Variants in CDK6 observed in about 807,000 individuals in gnomAD.
CDK6 encodes cyclin-dependent kinase 6.
In CDK6, 6 loss-of-function variants were observed where a neutral mutation model predicts 37.1. The ratio of observed to expected loss-of-function variants is 0.16; its 90% CI spans 0.09 to 0.32. The LOEUF (loss-of-function observed/expected upper bound fraction) is 0.32, where lower values mean the gene tolerates loss of function less well. Among genes scored for constraint, CDK6 ranks in the 10% least tolerant of loss-of-function variants. CDK6 has a pLI of 1.00. For synonymous variants in CDK6, 160 were observed against 161.3 expected, an observed-to-expected ratio of 0.99 and a Z score of 0.06; for missense variants, 224 against 418.9, an observed-to-expected ratio of 0.53 and a Z score of 4.06.
At chr7:92,721,687 A>T (rs1798367943) in intron 4 of CDK6, among the ~76,000 whole-genome samples, 1 of 152,172 alleles carries the variant, frequency 6.6e-6, no homozygotes, top group Non-Finnish European at 1.5e-5. Context: ...AATTTATCAG[A>T]TGAGGACAAG....
chr7:92,833,452 G>C lies in CDK6; in HGVS notation c.-129C>G, dbSNP rs541595279. 34 of 642,012 alleles carry C rather than the reference G, an allele frequency of 5.3e-5. No homozygotes were observed. Among genetic ancestry groups the C allele is most frequent in the African/African-American group, 5.3e-4 (27 of 51,310 alleles). 39.8% of individuals were successfully genotyped at this position (642,012 alleles called of 1,614,324 possible). A position where few individuals can be genotyped will look rare whatever the true frequency, so the allele number is the denominator to read the frequency against. The stretch of plus-strand genomic sequence containing the variant: ...GTCTAGCTTTACTTGCTCCCCGCCG[G>C]CTCAGGCGCTCGGGCGCTGGGGCTT... On this transcript the variant is annotated 5_prime_UTR_variant, in exon 2 of 8. Coordinates refer to ENST00000424848, the MANE Select transcript of CDK6 (RefSeq NM_001145306.2). This position sits in a 1 kb window ranked among gnomAD's most constrained non-coding sequence, Gnocchi z 6.1.
intron 3 of CDK6, among the ~76,000 whole-genome samples, chr7:92,766,018 G>A (rs1187744171): frequency 5.3e-5 from 8 of 152,090 alleles, no homozygotes; most frequent in African/African-American, 1.2e-4. Flanking sequence ...CTGGAGAACC[G>A]TGGGCCCAAG....
chr7:92,789,452 G>C (rs1375098867), intron 2 of CDK6, among the ~76,000 whole-genome samples: 1 of 152,292 alleles, frequency 6.6e-6, no homozygotes, highest in East Asian at 1.9e-4. Context: ...GTAATTATAA[G>C]TCTACGTTAA....
chr7:92,784,952 G>C (rs188619464), intron 2 of CDK6, among the ~76,000 whole-genome samples: 84 of 152,258 alleles, frequency 5.5e-4, no homozygotes, highest in East Asian at 4.6e-3. Context: ...GTTAAACGAA[G>C]ACTCAAACAC....
intron 2 of CDK6, among the ~76,000 whole-genome samples, chr7:92,783,728 T>TAA (rs1800054711): frequency 6.6e-6 from 1 of 152,188 alleles, no homozygotes; most frequent in Non-Finnish European, 1.5e-5. Context: ...TAGTAAATTT[T>TAA]GAAAATAGAG....
chr7:92,643,638 T>G (rs1486636421), intron 5 of CDK6, among the ~76,000 whole-genome samples: 1 of 152,228 alleles, frequency 6.6e-6, no homozygotes, highest in Non-Finnish European at 1.5e-5. Context: ...TCTTTTCATC[T>G]TTGGTTGTAG....
At chr7:92,824,322 A>C (rs753146418) in intron 2 of CDK6, among the ~76,000 whole-genome samples, 96 of 152,226 alleles carry the variant, frequency 6.3e-4, no homozygotes, top group Middle Eastern at 3.4e-3. Flanking sequence ...CCAAAGTATG[A>C]CAAAAATGAA....
chr7:92,685,280 C>T (rs993026258), intron 4 of CDK6, among the ~76,000 whole-genome samples: 3 of 152,146 alleles, frequency 2.0e-5, no homozygotes, highest in African/African-American at 4.8e-5. Context: ...TAGGTATATC[C>T]GCTGTCAGGA....
chr7:92,661,484 C>G (rs1322248691), intron 5 of CDK6, among the ~76,000 whole-genome samples: 1 of 152,100 alleles, frequency 6.6e-6, no homozygotes, highest in Admixed American at 6.5e-5. Flanking sequence ...CAATAGCAAA[C>G]AGCTGATTAA....
At position 92,709,786 on chromosome 7, in the gene CDK6, T is replaced by C. The variant is rs559260859; in HGVS notation, c.537+15840A>G. On this transcript the variant is annotated intron_variant, in intron 4 of 7. Coordinates refer to ENST00000424848, the MANE Select transcript of CDK6 (RefSeq NM_001145306.2). Reference sequence around the variant, plus strand: ...TCCTGAATTTGCCTGAGAAGAATGTTACCTGCTGATTGCTGATAGATGGCT... The same window carrying C: ...TCCTGAATTTGCCTGAGAAGAATGTCACCTGCTGATTGCTGATAGATGGCT... 2.6e-5 allele frequency among the ~76,000 whole-genome samples: 4 copies of C among 152,322 alleles called. No individual in the cohort carries two copies. In the East Asian group the frequency reaches 7.7e-4, roughly 29 times the overall value.
At chr7:92,771,342 CA>C (rs749101820) in intron 3 of CDK6, among the ~76,000 whole-genome samples, 13 of 144,170 alleles carry the variant, frequency 9.0e-5, no homozygotes, top group Non-Finnish European at 4.6e-5. Context: ...GACTCCGTCT[CA>C]AAAAAAAATA....
intron 2 of CDK6, among the ~76,000 whole-genome samples, chr7:92,821,747 T>TA (rs1401315926): frequency 6.6e-6 from 1 of 151,608 alleles, no homozygotes; most frequent in African/African-American, 2.4e-5. Flanking sequence ...AGTTTATTGC[T>TA]ATGTAATAAT....
chr7:92,628,840 G>A lies in CDK6; in HGVS notation c.648-5754C>T, dbSNP rs142754073. Among the ~76,000 whole-genome samples the A allele has an allele frequency of 8.5e-5, 13 of 152,154 alleles. No homozygotes were observed. In the East Asian group the frequency reaches 2.3e-3, roughly 27 times the overall value. ...TATTCTCCTATATCCAAAACCTTGC[G>A]AAAACCTTCACAGAAGCAGCAAGAG... is the stretch of plus-strand genomic sequence containing the variant. On this transcript the variant is annotated intron_variant, in intron 5 of 7. Transcript: ENST00000424848.
chr7:92,677,480 G>A (rs1180530602), intron 4 of CDK6, among the ~76,000 whole-genome samples: 5 of 152,108 alleles, frequency 3.3e-5, no homozygotes, highest in African/African-American at 1.2e-4. Context: ...TTAGCCAGGT[G>A]TGGTGGCACA....
chr7:92,813,950 T>C (rs1190126231), intron 2 of CDK6, among the ~76,000 whole-genome samples: 1 of 152,194 alleles, frequency 6.6e-6, no homozygotes, highest in African/African-American at 2.4e-5. Flanking sequence ...CCACAGTGAG[T>C]AAACTTGAGT....
intron 2 of CDK6, among the ~76,000 whole-genome samples, chr7:92,825,837 T>C (rs978209498): frequency 6.6e-6 from 1 of 152,214 alleles, no homozygotes; most frequent in Non-Finnish European, 1.5e-5. Flanking sequence ...TGTATGCTCA[T>C]TTCCTAATGT....
chr7:92,671,329 A>T, intron 5 of CDK6, 97 bp downstream of exon 5: 1 of 712,970 alleles, frequency 1.4e-6, no homozygotes, highest in Non-Finnish European at 2.2e-6. Context: ...GGCCATCATG[A>T]CCCCTAATGA....
At chr7:92,810,283 G>T (rs991054464) in intron 2 of CDK6, among the ~76,000 whole-genome samples, 1 of 152,136 alleles carries the variant, frequency 6.6e-6, no homozygotes, top group Non-Finnish European at 1.5e-5. Flanking sequence ...TTGCCAAGCA[G>T]GTCTTACTAA....
intron 4 of CDK6, among the ~76,000 whole-genome samples, chr7:92,695,700 G>T (rs1797701261): frequency 6.6e-6 from 1 of 152,220 alleles, no homozygotes; most frequent in African/African-American, 2.4e-5. Context: ...TGAAAGCACA[G>T]AGAAGTTTTG....
Sources: gnomAD v4.1 joint callset for allele counts (sites outside exome capture counted in the v4.1 genomes callset) on GRCh38, gnomAD v4.1.1 for gene constraint, Gnocchi (gnomAD v3.1) non-coding constraint, MANE v1.5 for transcripts, NCBI Gene and HGNC (gene_info 2026-07-23, HGNC 2026-07-21) for gene names.